The following BDP1 variants were observed in gnomAD, a reference collection of about 807,000 sequenced individuals.
BDP1 encodes the protein BDP1 general transcription factor IIIB subunit, also known as transcription factor TFIIIB component B'' homolog.
BDP1 carries 169 observed loss-of-function variants against 266.6 expected under a neutral mutation model. The observed-to-expected ratio is 0.63, with a 90% CI of 0.56 to 0.72. BDP1 has a LOEUF of 0.72. Ranked by LOEUF, BDP1 falls within the 30% of genes least tolerant of loss-of-function variation. The pLI is 0.00. For synonymous variants in BDP1, 1,090 were observed against 1,022.4 expected, an observed-to-expected ratio of 1.07 and a Z score of -1.26; for missense variants, 3,015 against 3,053.8, an observed-to-expected ratio of 0.99 and a Z score of 0.30.
Position 71,539,025 on chromosome 5 carries a change from A to AT in BDP1, c.5893-10dup. ...GGGGAAGTATTTTAAGATGTTACTT[A>AT]TTTTTTTCCTTTTTAGGAAATGACC... On this transcript the variant is annotated splice_polypyrimidine_tract_variant and intron_variant, in intron 26 of 38. Coordinates refer to ENST00000358731, the MANE Select transcript of BDP1 (RefSeq NM_018429.3). 1.9e-6 allele frequency: 3 copies of AT among 1,566,348 alleles called. No individual in the cohort carries two copies. Among genetic ancestry groups the AT allele is most frequent in the Admixed American group, 1.7e-5 (1 of 57,736 alleles).
intron 1 of BDP1, 40 bp downstream of exon 1, chr5:71,456,129 C>G (rs773764046): frequency 6.4e-7 from 1 of 1,571,980 alleles, no homozygotes; most frequent in Non-Finnish European, 8.7e-7. Context: ...TTTGTCCCGC[C>G]TCTCCGGGCA....
At chr5:71,489,156 T>G (rs1763439147) in intron 9 of BDP1, among the ~76,000 whole-genome samples, 1 of 152,216 alleles carries the variant, frequency 6.6e-6, no homozygotes, top group South Asian at 2.1e-4. Flanking sequence ...TCTGCTTGGT[T>G]TTTTAAATGC....
intron 9 of BDP1, among the ~76,000 whole-genome samples, chr5:71,486,954 G>A (rs1763297465): frequency 6.6e-6 from 1 of 151,978 alleles, no homozygotes; most frequent in Non-Finnish European, 1.5e-5. Flanking sequence ...AAACAAATCT[G>A]GTATAAAATT....
chr5:71,531,143 G>A (rs1164501766), intron 25 of BDP1, among the ~76,000 whole-genome samples: 1 of 152,104 alleles, frequency 6.6e-6, no homozygotes, highest in African/African-American at 2.4e-5. Context: ...TTTCTACTCA[G>A]CCATACAACG....
At chr5:71,542,490 TTC>T (rs745780596) in intron 30 of BDP1, among the ~76,000 whole-genome samples, 1 of 152,190 alleles carries the variant, frequency 6.6e-6, no homozygotes, top group African/African-American at 2.4e-5. Flanking sequence ...TGTCCTTTTA[TTC>T]TCTCTCTGTC....
chr5:71,455,985 G>T lies in BDP1; in HGVS notation c.108G>T (p.Pro36=), dbSNP rs372176022. 4 of 1,613,348 alleles carry T rather than the reference G, an allele frequency of 2.5e-6. No homozygotes were observed. The highest frequency in any genetic ancestry group is 3.4e-6 in the Non-Finnish European group (4 of 1,179,960). The change falls in exon 1 of 39, where the codon CCG becomes CCT. Residue 36 remains proline, a synonymous_variant. Transcript: ENST00000358731. ...NPQRGRESPR[P]PDPATDSASK... The stretch of plus-strand genomic sequence containing the variant: ...AGCGTGGACGGGAGTCTCCCAGGCC[G>T]CCGGATCCTGCCACGGACTCTGCTT...
chr5:71,549,501 C>T lies in BDP1; in HGVS notation c.6890C>T (p.Ala2297Val), dbSNP rs748353683. The change falls in exon 34 of 39, where the codon GCA becomes GTA. Residue 2297 changes from alanine (A) to valine (V), a missense_variant. Physicochemically the swap from Ala to Val is moderately conservative, Grantham distance 64. Transcript: ENST00000358731. ...ILTLVEIPAN[A>V]VEEFTDATAQ... ...ACTCTGGTGGAAATCCCAGCCAATG[C>T]AGTAGAAGAATTTACTGATGCCACT... 1 of 1,614,024 alleles carries T rather than the reference C, an allele frequency of 6.2e-7. No individual in the cohort carries two copies. Among genetic ancestry groups the T allele is most frequent in the Non-Finnish European group, 8.5e-7 (1 of 1,179,984 alleles).
intron 23 of BDP1, 102 bp downstream of exon 23, chr5:71,522,592 C>A: frequency 8.4e-7 from 1 of 1,188,934 alleles, no homozygotes; most frequent in Non-Finnish European, 1.2e-6. Flanking sequence ...GACTTCTGTA[C>A]TGTAACCATT....
chr5:71,472,329 C>T (rs866294856), intron 7 of BDP1, among the ~76,000 whole-genome samples: 9 of 152,198 alleles, frequency 5.9e-5, no homozygotes, highest in Non-Finnish European at 5.9e-5. Flanking sequence ...GACGTGGTGG[C>T]GCATGCCTGT....
intron 37 of BDP1, among the ~76,000 whole-genome samples, chr5:71,560,843 A>T (rs1161020692): frequency 3.3e-5 from 5 of 152,234 alleles, no homozygotes; most frequent in African/African-American, 1.2e-4. Flanking sequence ...GGTTGGGGAA[A>T]GGACACATGT....
At position 71,516,044 on chromosome 5, in the gene BDP1, C is replaced by T; in HGVS notation, c.4650-17C>T. 10 of 1,576,452 alleles carry T rather than the reference C, an allele frequency of 6.3e-6. No homozygotes were observed. The highest frequency in any genetic ancestry group is 1.2e-5 in the South Asian group (1 of 86,302). On this transcript the variant is annotated splice_polypyrimidine_tract_variant and intron_variant, in intron 20 of 38. Transcript: ENST00000358731. ...TACAGTCAAGCGCCCTGCCTTTCTC[C>T]CTGTCCCCTTGTTTAGGACTAATAA...
At chr5:71,514,111 A>G (rs1765094241) in intron 19 of BDP1, among the ~76,000 whole-genome samples, 1 of 152,196 alleles carries the variant, frequency 6.6e-6, no homozygotes, top group Non-Finnish European at 1.5e-5. Flanking sequence ...TATTTACTTT[A>G]TTAACTTGGT....
chr5:71,460,240 T>C (rs7735544), intron 2 of BDP1, among the ~76,000 whole-genome samples: 119,552 of 152,040 alleles, frequency 0.79, 47,601 homozygotes, highest in East Asian at 0.88. Context: ...ATTATCTGGT[T>C]GTGGTGGTGC....
intron 1 of BDP1, 125 bp downstream of exon 1, chr5:71,456,214 G>A (rs1761177110): frequency 3.2e-6 from 3 of 944,428 alleles, no homozygotes; most frequent in South Asian, 1.7e-5. Context: ...TTCAGTTGAG[G>A]CTTGATGAAA....
chr5:71,501,533 A>G, intron 13 of BDP1, 29 bp from the exon 14 acceptor site: 1 of 1,259,606 alleles, frequency 7.9e-7, no homozygotes, highest in Non-Finnish European at 1.2e-6. Flanking sequence ...TATTGTAAGT[A>G]GATAAATTGT....
At chr5:71,523,827 G>A (rs1765631351) in intron 24 of BDP1, 112 bp from the exon 25 acceptor site, 1 of 1,063,234 alleles carries the variant, frequency 9.4e-7, no homozygotes. Flanking sequence ...AATGGGTGGT[G>A]GGAATTTTCA....
At chr5:71,522,183 T>G in intron 22 of BDP1, 106 bp from the exon 23 acceptor site, 1 of 846,832 alleles carries the variant, frequency 1.2e-6, no homozygotes, top group Non-Finnish European at 1.9e-6. Flanking sequence ...ATATAGTCCT[T>G]TGAACATAGA....
chr5:71,549,718 TATTTATC>T (rs2111922095), intron 34 of BDP1, 112 bp downstream of exon 34: 1 of 827,728 alleles, frequency 1.2e-6, no homozygotes, highest in African/African-American at 1.8e-5. Context: ...GTGGAGATCT[TATTTATC>T]ATTTATGTGG....
At chr5:71,502,813 C>T (rs1348255549) in intron 15 of BDP1, 22 bp downstream of exon 15, 1 of 1,594,386 alleles carries the variant, frequency 6.3e-7, no homozygotes, top group South Asian at 1.1e-5. Context: ...GATTCCTCCT[C>T]ACATTTTTGG....
Sources: allele counts gnomAD v4.1 joint callset (sites outside exome capture counted in the v4.1 genomes callset), GRCh38; gene constraint gnomAD v4.1.1; transcripts MANE v1.5; gene names NCBI Gene and HGNC (gene_info 2026-07-23, HGNC 2026-07-21).